RANBP2: variants seen among roughly 807,000 people sequenced by gnomAD.
RANBP2 encodes the protein E3 SUMO-protein ligase RanBP2.
RANBP2 carries 57 observed loss-of-function variants against 303.6 expected under a neutral mutation model. The ratio of observed to expected loss-of-function variants is 0.19; its 90% CI spans 0.15 to 0.23. The LOEUF is 0.23. Ranked by LOEUF, RANBP2 falls within the 10% of genes least tolerant of loss-of-function variation. The probability of loss-of-function intolerance (pLI) is 1.00; values close to 1 mark genes in which losing one functional copy is unlikely to be tolerated. For synonymous variants in RANBP2, 1,167 were observed against 1,301.5 expected, an observed-to-expected ratio of 0.90 and a Z score of 2.23; for missense variants, 3,138 against 3,780.8, an observed-to-expected ratio of 0.83 and a Z score of 4.46.
At chr2:109,059,010 G>T in the RANBP2 span, among the ~76,000 whole-genome samples, 1 of 152,174 alleles carries the variant, frequency 6.6e-6, no homozygotes, top group Non-Finnish European at 1.5e-5. Flanking sequence ...GAGATATGGG[G>T]CATAGTGGCC....
chr2:109,615,944 A>AC, the RANBP2 span: 7 of 1,593,586 alleles, frequency 4.4e-6, no homozygotes, highest in Non-Finnish European at 6.0e-6. Context: ...TCCACACCAC[A>AC]CCCTCTTTCA....
the RANBP2 span, among the ~76,000 whole-genome samples, chr2:109,188,656 T>C: frequency 1.3e-5 from 2 of 152,206 alleles, no homozygotes; most frequent in African/African-American, 4.8e-5. Context: ...TGCCGAGGGC[T>C]GGAATGCAAA....
At chr2:108,990,637 T>C in the RANBP2 span, among the ~76,000 whole-genome samples, 1 of 152,008 alleles carries the variant, frequency 6.6e-6, no homozygotes. Flanking sequence ...GACAGAAATG[T>C]ATGGGGCTGG....
At chr2:109,418,910 T>C in the RANBP2 span, among the ~76,000 whole-genome samples, 1 of 152,150 alleles carries the variant, frequency 6.6e-6, no homozygotes. Flanking sequence ...GGCAAGACCA[T>C]GGTGCCACCC....
the RANBP2 span, among the ~76,000 whole-genome samples, chr2:109,421,202 G>A: frequency 7.5e-3 from 1,146 of 152,338 alleles, 4 homozygotes; most frequent in East Asian, 0.013. Flanking sequence ...CAGTGGGATA[G>A]CCCTGATGGA....
the RANBP2 span, among the ~76,000 whole-genome samples, chr2:109,258,766 G>A: frequency 1.3e-5 from 2 of 152,242 alleles, no homozygotes; most frequent in African/African-American, 4.8e-5. Flanking sequence ...ACAGTGGCCT[G>A]CACTGCTGTT....
chr2:109,400,340 A>G, the RANBP2 span, among the ~76,000 whole-genome samples: 1 of 151,984 alleles, frequency 6.6e-6, no homozygotes, highest in Non-Finnish European at 1.5e-5. Flanking sequence ...ACACCCACAC[A>G]TGTGCACTTA....
At chr2:109,075,025 CAAAAAAA>C in the RANBP2 span, among the ~76,000 whole-genome samples, 67 of 44,686 alleles carry the variant, frequency 1.5e-3, 2 homozygotes, top group African/African-American at 4.6e-3. Context: ...GTCTCCATCT[CAAAAAAA>C]AAAAAAAAAA....
chr2:109,043,336 T>C, the RANBP2 span, among the ~76,000 whole-genome samples: 1 of 152,164 alleles, frequency 6.6e-6, no homozygotes, highest in African/African-American at 2.4e-5. Context: ...AAGATGATTT[T>C]ATAACATGAA....
chr2:109,679,819 C>T, the RANBP2 span, among the ~76,000 whole-genome samples: 1 of 152,142 alleles, frequency 6.6e-6, no homozygotes, highest in Non-Finnish European at 1.5e-5. Context: ...ACACAGTTTA[C>T]AAAGCTCACA....
the RANBP2 span, among the ~76,000 whole-genome samples, chr2:109,508,654 AAGCCTGGAGAC>A: frequency 2.6e-5 from 4 of 152,202 alleles, no homozygotes; most frequent in Non-Finnish European, 5.9e-5. Context: ...AAGCAGATGA[AAGCCTGGAGAC>A]AGCCAGGAAG....
At chr2:109,718,922 AT>A in the RANBP2 span, among the ~76,000 whole-genome samples, 1 of 146,020 alleles carries the variant, frequency 6.8e-6, no homozygotes, top group Non-Finnish European at 1.5e-5. Context: ...AGGCAGGAGA[AT>A]TGCTTGAACC....
the RANBP2 span, among the ~76,000 whole-genome samples, chr2:109,710,857 T>A: frequency 0.2 from 30,964 of 151,902 alleles, 3,318 homozygotes; most frequent in East Asian, 0.31. Flanking sequence ...GAAAATGGGA[T>A]GGTTGATGAT....
chr2:109,215,516 G>A, the RANBP2 span, among the ~76,000 whole-genome samples: 4 of 152,064 alleles, frequency 2.6e-5, no homozygotes, highest in South Asian at 4.2e-4. Context: ...GTGTGTACTC[G>A]GAGTGCACTC....
the RANBP2 span, among the ~76,000 whole-genome samples, chr2:108,966,047 A>T: frequency 6.6e-6 from 1 of 152,192 alleles, no homozygotes; most frequent in African/African-American, 2.4e-5. Context: ...CAATTAAAAC[A>T]TTCAATATCA....
At chr2:108,898,528 A>C in the RANBP2 span, among the ~76,000 whole-genome samples, 1 of 152,198 alleles carries the variant, frequency 6.6e-6, no homozygotes, top group Non-Finnish European at 1.5e-5. Context: ...ACATAAAACT[A>C]CACAGGTCTC....
At chr2:109,494,867 C>T in the RANBP2 span, among the ~76,000 whole-genome samples, 3 of 152,182 alleles carry the variant, frequency 2.0e-5, no homozygotes, top group African/African-American at 7.2e-5. Flanking sequence ...GGGCGCTGCT[C>T]TCCTCTCCAC....
At chr2:109,530,617 A>G in the RANBP2 span, among the ~76,000 whole-genome samples, 2 of 152,246 alleles carry the variant, frequency 1.3e-5, no homozygotes, top group Non-Finnish European at 2.9e-5. Context: ...GATAGGAAGA[A>G]ACCAGCTGAG....
chr2:109,251,420 C>T, the RANBP2 span: 1 of 705,114 alleles, frequency 1.4e-6, no homozygotes, highest in South Asian at 1.4e-5. Flanking sequence ...GGAGTAGACA[C>T]CATGAGCAAA....
Sources: gnomAD v4.1 joint callset for allele counts (sites outside exome capture counted in the v4.1 genomes callset) on GRCh38, gnomAD v4.1.1 for gene constraint, MANE v1.5 for transcripts, NCBI Gene and HGNC (gene_info 2026-07-23, HGNC 2026-07-21) for gene names.